DUS2: variants seen among roughly 807,000 people sequenced by gnomAD.
DUS2 encodes dihydrouridine synthase 2.
Under a neutral mutation model 71.3 loss-of-function variants are expected in DUS2, and 52 were observed. The observed-to-expected ratio is 0.73, with a 90% confidence interval of 0.58 to 0.92. The LOEUF (loss-of-function observed/expected upper bound fraction) is 0.92, where lower values mean the gene tolerates loss of function less well. Among genes scored for constraint, DUS2 ranks in the 40% least tolerant of loss-of-function variants. The pLI, the probability that DUS2 is intolerant of heterozygous loss-of-function variation, is 0.00. For missense variants in DUS2, 558 were observed against 622.6 expected (o/e 0.90, Z 1.10); for synonymous variants, 204 against 227.8 (o/e 0.90, Z 0.94).
intron 14 of DUS2, 56 bp from the exon 15 acceptor site, chr16:68,076,576 T>C (rs2034159146): frequency 1.5e-6 from 2 of 1,373,896 alleles, no homozygotes; most frequent in East Asian, 4.7e-5. Context: ...GTGCCCTGGC[T>C]GAGGGAGGGA....
intron 13 of DUS2, 37 bp downstream of exon 13, chr16:68,074,192 C>T (rs2034127175): frequency 3.1e-6 from 5 of 1,612,106 alleles, no homozygotes; most frequent in Non-Finnish European, 3.4e-6. Flanking sequence ...TGTCCTTGTA[C>T]GCATTGCCCA....
intron 6 of DUS2, among the ~76,000 whole-genome samples, chr16:68,055,453 C>G (rs904318627): frequency 2.0e-5 from 3 of 152,096 alleles, no homozygotes; most frequent in Admixed American, 6.6e-5. Context: ...GACCCTGTCT[C>G]AAGAACAAAA....
intron 7 of DUS2, among the ~76,000 whole-genome samples, chr16:68,060,657 A>T (rs899755085): frequency 6.6e-6 from 1 of 152,178 alleles, no homozygotes; most frequent in Non-Finnish European, 1.5e-5. Context: ...CAGCCTGGCC[A>T]ACATGGTGAA....
intron 3 of DUS2, among the ~76,000 whole-genome samples, chr16:68,044,839 C>A (rs938564278): frequency 1.4e-4 from 21 of 152,164 alleles, no homozygotes; most frequent in African/African-American, 4.8e-4. Flanking sequence ...GTTGCCCAGG[C>A]TGCAGTGCAG....
At chr16:68,026,439 A>G (rs1269458504) in intron 2 of DUS2, among the ~76,000 whole-genome samples, 1 of 152,216 alleles carries the variant, frequency 6.6e-6, no homozygotes, top group Non-Finnish European at 1.5e-5. Context: ...TCCCACCTGT[A>G]GCAGGGCTGT....
chr16:68,026,259 G>C (rs377688415), intron 2 of DUS2, among the ~76,000 whole-genome samples: 2 of 152,200 alleles, frequency 1.3e-5, no homozygotes, highest in African/African-American at 4.8e-5. Flanking sequence ...CCGAAGTGCT[G>C]GGATTACAGA....
At chr16:68,043,969 C>T (rs182380946) in intron 3 of DUS2, among the ~76,000 whole-genome samples, 161 of 152,252 alleles carry the variant, frequency 1.1e-3, no homozygotes, top group Non-Finnish European at 1.7e-3. Context: ...CGGGTCTGTG[C>T]TCTTGTAAAA....
chr16:68,031,520 T>G (rs1227116700), intron 2 of DUS2, among the ~76,000 whole-genome samples: 1 of 152,176 alleles, frequency 6.6e-6, no homozygotes, highest in Admixed American at 6.5e-5. Flanking sequence ...AATAAAAGCT[T>G]CCTTTTCCCC....
chr16:68,024,831 CT>C (rs568848831), intron 1 of DUS2, among the ~76,000 whole-genome samples: 22,323 of 132,192 alleles, frequency 0.17, 1,757 homozygotes, highest in African/African-American at 0.22. Context: ...TGGCTGGATA[CT>C]TTTTTTTTTT....
chr16:68,054,504 A>G, intron 5 of DUS2, 70 bp from the exon 6 acceptor site: 2 of 1,535,958 alleles, frequency 1.3e-6, no homozygotes, highest in East Asian at 2.3e-5. Context: ...TGTGTGCTGC[A>G]TGGGTGTGTT....
At chr16:68,041,536 A>G (rs58388686) in intron 3 of DUS2, among the ~76,000 whole-genome samples, 35,845 of 151,878 alleles carry the variant, frequency 0.24, 4,895 homozygotes, top group African/African-American at 0.36. Flanking sequence ...ATTTAGGCCA[A>G]GCACAGTGGC....
chr16:68,059,055 A>T lies in DUS2; in HGVS notation c.370-2011A>T, dbSNP rs531898987. Among the ~76,000 whole-genome samples the T allele has an allele frequency of 2.2e-4, 34 of 152,228 alleles. No homozygotes were observed. The South Asian group carries it at 6.8e-3, about 31-fold the overall frequency. On this transcript the variant is annotated intron_variant, in intron 7 of 16. Coordinates refer to ENST00000565263, the MANE Select transcript of DUS2 (RefSeq NM_017803.5). ...AATGAAACCGCATGTCTACCAAAAA[A>T]TATAAAAATTAGCCAGGTATGGTGG...
intron 2 of DUS2, 53 bp from the exon 3 acceptor site, chr16:68,037,953 G>A: frequency 6.4e-7 from 1 of 1,571,980 alleles, no homozygotes; most frequent in Non-Finnish European, 8.7e-7. Context: ...TTGATAACAG[G>A]AGAGATTTTC....
intron 3 of DUS2, 102 bp downstream of exon 3, chr16:68,038,251 T>A: frequency 6.6e-7 from 1 of 1,510,710 alleles, no homozygotes; most frequent in Non-Finnish European, 8.9e-7. Flanking sequence ...GAATGGGAAT[T>A]GACTTTATAG....
intron 12 of DUS2, among the ~76,000 whole-genome samples, chr16:68,073,763 T>C (rs764104040): frequency 6.6e-6 from 1 of 152,118 alleles, no homozygotes; most frequent in African/African-American, 2.4e-5. Context: ...ATTTTCTTTT[T>C]TTTAATTTTT....
At chr16:68,052,195 C>G (rs1280861262) in intron 4 of DUS2, among the ~76,000 whole-genome samples, 2 of 152,036 alleles carry the variant, frequency 1.3e-5, no homozygotes, top group Admixed American at 1.3e-4. Flanking sequence ...TGTGAGCCAC[C>G]GCACCCAGCC....
chr16:68,055,242 T>C (rs2033835156), intron 6 of DUS2, among the ~76,000 whole-genome samples: 1 of 152,058 alleles, frequency 6.6e-6, no homozygotes, highest in Non-Finnish European at 1.5e-5. Flanking sequence ...AAAGTATAGG[T>C]AAGACATATT....
At chr16:68,073,728 C>T (rs943975397) in intron 12 of DUS2, among the ~76,000 whole-genome samples, 2 of 152,116 alleles carry the variant, frequency 1.3e-5, no homozygotes, top group South Asian at 2.1e-4. Flanking sequence ...TGATTACAGG[C>T]GTGAGCCACC....
intron 6 of DUS2, among the ~76,000 whole-genome samples, chr16:68,055,848 C>T (rs2151420626): frequency 7.1e-6 from 1 of 140,762 alleles, no homozygotes; most frequent in East Asian, 2.5e-4. Flanking sequence ...ATGGCAAAAA[C>T]CGCAATTACT....
Sources: allele counts gnomAD v4.1 joint callset (sites outside exome capture counted in the v4.1 genomes callset), GRCh38; gene constraint gnomAD v4.1.1; transcripts MANE v1.5; gene names NCBI Gene and HGNC (gene_info 2026-07-23, HGNC 2026-07-21).